Variants in CLSTN3 observed in about 807,000 individuals in gnomAD.
The protein encoded by CLSTN3 is calsyntenin-3.
Under a neutral mutation model 95.9 loss-of-function variants are expected in CLSTN3, and 36 were observed. That is an observed-to-expected ratio of 0.38 (90% CI 0.29 to 0.50). CLSTN3 has a LOEUF of 0.50. Ranked by LOEUF, CLSTN3 falls within the 20% of genes least tolerant of loss-of-function variation. The probability of loss-of-function intolerance (pLI) is 0.95; values close to 1 mark genes in which losing one functional copy is unlikely to be tolerated. For missense variants in CLSTN3, 1,084 were observed against 1,268.8 expected, an observed-to-expected ratio of 0.85 and a Z score of 2.21; for synonymous variants, 481 against 504.0, an observed-to-expected ratio of 0.95 and a Z score of 0.61.
At chr12:7,130,303 T>TGCCCCCCCCCCC, upstream of CLSTN3, 1 of 778,316 alleles carries the variant, frequency 1.3e-6, no homozygotes, top group Non-Finnish European at 1.6e-6. Flanking sequence ...CAGCACCTGG[T>TGCCCCCCCCCCC]CCCCCCCCCT....
At chr12:7,154,924 A>C (rs1434135698) in intron 16 of CLSTN3, among the ~76,000 whole-genome samples, 2 of 152,244 alleles carry the variant, frequency 1.3e-5, no homozygotes. Flanking sequence ...ACGGGCCAGA[A>C]TTTTGACCCT....
At chr12:7,145,145 C>G (rs1939602722) in intron 12 of CLSTN3, among the ~76,000 whole-genome samples, 1 of 152,144 alleles carries the variant, frequency 6.6e-6, no homozygotes, top group African/African-American at 2.4e-5. Flanking sequence ...TTGCTGACTG[C>G]CTCATCTGAA....
At position 7,151,054 on chromosome 12, in the gene CLSTN3, A is replaced by C. The variant is rs774403377; in HGVS notation, c.2518A>C (p.Arg840=). 6.2e-7 allele frequency: 1 copy of C among 1,600,644 alleles called. No homozygotes were observed. Among genetic ancestry groups the C allele is most frequent in the South Asian group, 1.1e-5 (1 of 89,148 alleles). Residue 840 remains arginine, a synonymous_variant, in exon 16 of 18, where the codon AGA becomes CGA. Coordinates refer to ENST00000266546, the MANE Select transcript of CLSTN3 (RefSeq NM_014718.4). The stretch of plus-strand genomic sequence containing the variant: ...TGGACACAGCCTAGCCAGCTCCCAC[A>C]GAAACTCCAGTACGTAAGCCTGGTG... ...MAGHSLASSH[R]NSMIPSAATL...
In CLSTN3 at chr12:7,137,230, A is replaced by G; in HGVS notation, c.1210+120A>G. Reference sequence around the variant, plus strand: ...CCCCTCTCTTCATTTGTGAGGTGCAAGTGCCAGGTGTGATATGCCTTGATT... The same window carrying G: ...CCCCTCTCTTCATTTGTGAGGTGCAGGTGCCAGGTGTGATATGCCTTGATT... On this transcript the variant is annotated intron_variant, in intron 7 of 17. Coordinates refer to ENST00000266546, the MANE Select transcript of CLSTN3 (RefSeq NM_014718.4). This position sits in a 1 kb window ranked among gnomAD's most constrained non-coding sequence, Gnocchi z 4.4. 1 of 1,000,908 alleles carries G rather than the reference A, an allele frequency of 1.0e-6. No individual in the cohort carries two copies. Among genetic ancestry groups the G allele is most frequent in the Non-Finnish European group, 1.4e-6 (1 of 692,016 alleles). The allele number at this position is 1,000,908 out of a possible 1,614,324, so 62.0% of individuals were successfully genotyped here. A position where few individuals can be genotyped will look rare whatever the true frequency, so the allele number is the denominator to read the frequency against.
chr12:7,148,184 G>A (rs1028251936), intron 12 of CLSTN3, among the ~76,000 whole-genome samples: 37 of 122,242 alleles, frequency 3.0e-4, no homozygotes, highest in Middle Eastern at 4.6e-3. Context: ...AAGAAAGAAA[G>A]AAAGAAAGAA....
chr12:7,139,656 AT>A (rs34540926), intron 8 of CLSTN3, among the ~76,000 whole-genome samples: 96,270 of 143,050 alleles, frequency 0.67, 32,618 homozygotes, highest in Middle Eastern at 0.78. Context: ...TATTATTATT[AT>A]TTTTTTTTTT....
At chr12:7,143,652 T>C (rs1939571332) in intron 12 of CLSTN3, among the ~76,000 whole-genome samples, 1 of 152,200 alleles carries the variant, frequency 6.6e-6, no homozygotes, top group Non-Finnish European at 1.5e-5. Context: ...TCTGACTCAA[T>C]GCGAATTGCT....
At chr12:7,132,876 C>G (rs752874638) in intron 1 of CLSTN3, 148 bp from the exon 2 acceptor site, 2 of 1,060,362 alleles carry the variant, frequency 1.9e-6, no homozygotes, top group Non-Finnish European at 2.8e-6. Flanking sequence ...TTCTTGTCCT[C>G]AACCACCCGC....
At chr12:7,130,976 T>C (rs1939288260) in intron 1 of CLSTN3, 1 of 568,674 alleles carries the variant, frequency 1.8e-6, no homozygotes, top group Non-Finnish European at 3.2e-6. Context: ...ATTCCCGTCC[T>C]GGGGTCTCTA....
Position 7,150,791 on chromosome 12 carries a change from G to T in CLSTN3, c.2391+102G>T. ...AGTTGGTGGGCATGGACATGGCAGCGTGGAGGGCTGCTGGACCTTGCAGTG... is the reference window on the plus strand; with the variant it reads ...AGTTGGTGGGCATGGACATGGCAGCTTGGAGGGCTGCTGGACCTTGCAGTG... On this transcript the variant is annotated intron_variant, in intron 15 of 17. Transcript: ENST00000266546. The surrounding 1 kb of genome is among the most constrained non-coding windows in gnomAD (Gnocchi z 4.0). 6.4e-7 allele frequency: 1 copy of T among 1,558,766 alleles called. No individual in the cohort carries two copies. The highest frequency in any genetic ancestry group is 1.2e-5 in the South Asian group (1 of 83,592).
rs1332237409 is a variant in CLSTN3, at chr12:7,143,270, C to T, written c.1806C>T (p.Ala602=). ...CTTACATGAACACTCTGCGCTTTGC[C>T]ACGCCCGGCGTCAGGCCCCTGCGCC... ...HVAYMNTLRF[A]TPGVRPLRLT... Residue 602 remains alanine (A), a synonymous_variant, in exon 12 of 18, where the codon GCC becomes GCT. Coordinates refer to ENST00000266546, the MANE Select transcript of CLSTN3 (RefSeq NM_014718.4). 1 of 1,612,524 alleles carries T rather than the reference C, an allele frequency of 6.2e-7. No individual in the cohort carries two copies. Among genetic ancestry groups the T allele is most frequent in the African/African-American group, 1.3e-5 (1 of 74,948 alleles).
intron 6 of CLSTN3, among the ~76,000 whole-genome samples, 189 bp downstream of exon 6, chr12:7,136,580 C>T (rs992679164): frequency 2.6e-5 from 4 of 152,192 alleles, no homozygotes; most frequent in Non-Finnish European, 2.9e-5. Context: ...GCATAGTCAT[C>T]GCACCAGACA....
chr12:7,151,202 A>G (rs1939719075), intron 16 of CLSTN3, 139 bp downstream of exon 16: 1 of 966,234 alleles, frequency 1.0e-6, no homozygotes, highest in Non-Finnish European at 1.5e-6. Flanking sequence ...TACCTGCCTT[A>G]GTTGACAGCT....
upstream of CLSTN3, chr12:7,129,727 G>T (rs1329000337): frequency 1.0e-6 from 1 of 985,356 alleles, no homozygotes; most frequent in African/African-American, 1.7e-5. The surrounding 1 kb of genome is among the most constrained non-coding windows in gnomAD (Gnocchi z 5.5). Flanking sequence ...CATCGTCCCG[G>T]GCTTCAGAAT....
In CLSTN3 at chr12:7,137,481, T is replaced by G. The variant is rs1455683000; in HGVS notation, c.1210+371T>G. On this transcript the variant is annotated intron_variant, in intron 7 of 17. Transcript: ENST00000266546. This position sits in a 1 kb window ranked among gnomAD's most constrained non-coding sequence, Gnocchi z 4.4. Reference sequence around the variant, plus strand: ...TTCTTTCATCATCCCATCCTGGGACTGGTTGGCCCCAACTCCGAGGCCTGT... The same window carrying G: ...TTCTTTCATCATCCCATCCTGGGACGGGTTGGCCCCAACTCCGAGGCCTGT... Among the ~76,000 whole-genome samples the G allele has an allele frequency of 6.6e-6, 1 of 152,180 alleles. No individual in the cohort carries two copies. Among genetic ancestry groups the G allele is most frequent in the African/African-American group, 2.4e-5 (1 of 41,436 alleles).
At chr12:7,139,064 A>G (rs1476631997) in intron 8 of CLSTN3, among the ~76,000 whole-genome samples, 1 of 152,176 alleles carries the variant, frequency 6.6e-6, no homozygotes, top group Non-Finnish European at 1.5e-5. Flanking sequence ...ACCAGTATCT[A>G]TTAAATACAA....
chr12:7,137,971 C>T lies in CLSTN3; in HGVS notation c.1227C>T (p.His409=). 6.2e-7 allele frequency: 1 copy of T among 1,613,974 alleles called. No individual in the cohort carries two copies. The highest frequency in any genetic ancestry group is 8.5e-7 in the Non-Finnish European group (1 of 1,179,916). ...NTVQNEDGFS[H]YSLTVHGCRI... Reference sequence around the variant, plus strand: ...TGCCCTCAGAGGACGGCTTCTCTCACTACTCGCTGACTGTCCACGGCTGTA... The same window carrying T: ...TGCCCTCAGAGGACGGCTTCTCTCATTACTCGCTGACTGTCCACGGCTGTA... Residue 409 remains histidine, a synonymous_variant, in exon 8 of 18, where the codon CAC becomes CAT. Transcript: ENST00000266546. The surrounding 1 kb of genome is among the most constrained non-coding windows in gnomAD (Gnocchi z 4.4).
chr12:7,136,531 G>A lies in CLSTN3; in HGVS notation c.928+140G>A, dbSNP rs1057201632. On this transcript the variant is annotated intron_variant, in intron 6 of 17. Coordinates refer to ENST00000266546, the MANE Select transcript of CLSTN3 (RefSeq NM_014718.4). ...AGAGGTTGTGACACGATTAGCATTT[G>A]CGGCCCAAAAGGCAGGTACATATGT... is the stretch of plus-strand genomic sequence containing the variant. 3.2e-6 allele frequency: 3 copies of A among 929,406 alleles called. No individual in the cohort carries two copies. In the Admixed American group the frequency reaches 8.6e-5, roughly 27 times the overall value. 57.6% of individuals were successfully genotyped at this position (929,406 alleles called of 1,614,324 possible).
rs1306692254 is a variant in CLSTN3, at chr12:7,157,495, C to A, written c.2534C>A (p.Pro845His). The A allele has an allele frequency of 1.3e-6, 2 of 1,577,616 alleles. No individual in the cohort carries two copies. The highest frequency in any genetic ancestry group is 8.6e-7 in the Non-Finnish European group (1 of 1,160,490). The change falls in exon 17 of 18, where the codon CCC becomes CAC. Residue 845 changes from proline to histidine, a missense_variant. Coordinates refer to ENST00000266546, the MANE Select transcript of CLSTN3 (RefSeq NM_014718.4). This position sits in a 1 kb window ranked among gnomAD's most constrained non-coding sequence, Gnocchi z 5.9. ...LASSHRNSMI[P>H]SAATLIIVVC... The stretch of plus-strand genomic sequence containing the variant: ...CCCCGCGCTCTCTCTGCAGTGATAC[C>A]CAGCGCCGCAACCCTCATCATTGTG...
Sources: allele counts gnomAD v4.1 joint callset (sites outside exome capture counted in the v4.1 genomes callset), GRCh38; gene constraint gnomAD v4.1.1; non-coding constraint Gnocchi (gnomAD v3.1); transcripts MANE v1.5; gene names NCBI Gene and HGNC (gene_info 2026-07-23, HGNC 2026-07-21).